The following ADGRB3 variants were observed in gnomAD, a reference collection of about 807,000 sequenced individuals.
The protein encoded by ADGRB3 is brain-specific angiogenesis inhibitor 3.
Under a neutral mutation model 193.4 loss-of-function variants are expected in ADGRB3, and 37 were observed. The ratio of observed to expected loss-of-function variants is 0.19; its 90% confidence interval spans 0.15 to 0.25. ADGRB3 has a LOEUF of 0.25. Ranked by LOEUF, ADGRB3 falls within the 10% of genes least tolerant of loss-of-function variation. The probability of loss-of-function intolerance (pLI) is 1.00; values close to 1 mark genes in which losing one functional copy is unlikely to be tolerated. For missense variants in ADGRB3, 1,637 were observed against 1,852.9 expected (o/e 0.88, Z 2.14); for synonymous variants, 690 against 644.2 (o/e 1.07, Z -1.08).
At chr6:69,111,301 A>G (rs1773358539) in intron 17 of ADGRB3, among the ~76,000 whole-genome samples, 1 of 152,224 alleles carries the variant, frequency 6.6e-6, no homozygotes, top group African/African-American at 2.4e-5. Context: ...GAGCAACAGA[A>G]TATGTGAACA....
chr6:69,334,409 A>G (rs1768797375), intron 24 of ADGRB3, among the ~76,000 whole-genome samples: 1 of 152,198 alleles, frequency 6.6e-6, no homozygotes, highest in Non-Finnish European at 1.5e-5. Flanking sequence ...ATTTGATATC[A>G]TTTATGTAAA....
Position 69,150,910 on chromosome 6 carries a change from G to A in ADGRB3, c.2480+74872G>A, listed in dbSNP as rs73745968. Among the ~76,000 whole-genome samples, 937 of 152,282 alleles carry A rather than the reference G, an allele frequency of 6.2e-3. 9 individuals are homozygous for A. Among genetic ancestry groups the A allele is most frequent in the African/African-American group, 0.021 (856 of 41,572 alleles). On this transcript the variant is annotated intron_variant, in intron 17 of 31. Transcript: ENST00000370598. Reference sequence around the variant, plus strand: ...TTTAGAAATGTCCTCTGGGAGCTAGGGCCAGGAATGGGGGCCTTACAATTT... The same window carrying A: ...TTTAGAAATGTCCTCTGGGAGCTAGAGCCAGGAATGGGGGCCTTACAATTT...
At chr6:69,275,109 C>T (rs1210321627) in intron 20 of ADGRB3, among the ~76,000 whole-genome samples, 4 of 152,154 alleles carry the variant, frequency 2.6e-5, no homozygotes, top group East Asian at 1.9e-4. Flanking sequence ...GTTAATATCC[C>T]GTGCCTCTAG....
At chr6:69,233,463 T>C (rs751301338) in intron 18 of ADGRB3, 47 bp downstream of exon 18, 20 of 1,609,810 alleles carry the variant, frequency 1.2e-5, no homozygotes, top group Non-Finnish European at 1.6e-5. Context: ...GACAGGGATA[T>C]TGTGGCTAGT....
intron 3 of ADGRB3, among the ~76,000 whole-genome samples, chr6:68,900,348 A>T (rs544942615): frequency 1.3e-5 from 2 of 152,236 alleles, no homozygotes; most frequent in African/African-American, 2.4e-5. Context: ...GTCTGTAGAG[A>T]TTCAAAGGCT....
chr6:68,990,397 G>T (rs1232333677), intron 10 of ADGRB3, among the ~76,000 whole-genome samples: 2 of 152,056 alleles, frequency 1.3e-5, no homozygotes, highest in Non-Finnish European at 2.9e-5. Flanking sequence ...TAGTTGTCCC[G>T]AGTGCTTTTC....
chr6:68,720,772 C>T (rs1215019851), intron 3 of ADGRB3, among the ~76,000 whole-genome samples: 1 of 151,754 alleles, frequency 6.6e-6, no homozygotes, highest in African/African-American at 2.4e-5. Flanking sequence ...ATGGGAAACA[C>T]TCGCCTGACT....
chr6:69,119,531 C>T (rs1426655299), intron 17 of ADGRB3, among the ~76,000 whole-genome samples: 2 of 152,184 alleles, frequency 1.3e-5, no homozygotes, highest in Non-Finnish European at 2.9e-5. Flanking sequence ...ATATGGTCAG[C>T]ATAACACTCA....
intron 20 of ADGRB3, among the ~76,000 whole-genome samples, chr6:69,274,692 G>A (rs1439063831): frequency 1.5e-5 from 2 of 131,210 alleles, no homozygotes; most frequent in African/African-American, 5.8e-5. Flanking sequence ...TTTTATTCCA[G>A]TGAAAACAGA....
intron 17 of ADGRB3, among the ~76,000 whole-genome samples, chr6:69,160,363 A>G (rs931820246): frequency 2.6e-5 from 4 of 152,044 alleles, no homozygotes; most frequent in African/African-American, 9.7e-5. Flanking sequence ...CTCAAGCCAC[A>G]CATGTCTCTT....
intron 3 of ADGRB3, among the ~76,000 whole-genome samples, chr6:68,924,849 A>T (rs974132611): frequency 6.6e-6 from 1 of 151,940 alleles, no homozygotes; most frequent in African/African-American, 2.4e-5. Context: ...TGTTAATGAT[A>T]TATTTATCAG....
chr6:68,717,662 C>T (rs1582143928), intron 3 of ADGRB3, among the ~76,000 whole-genome samples: 1 of 151,260 alleles, frequency 6.6e-6, no homozygotes, highest in Admixed American at 6.6e-5. Context: ...CTTCATATCA[C>T]TAGCCATATT....
At chr6:69,001,305 C>T (rs774422207) in intron 11 of ADGRB3, among the ~76,000 whole-genome samples, 8 of 152,190 alleles carry the variant, frequency 5.3e-5, no homozygotes, top group Admixed American at 1.3e-4. Context: ...CTGCATTTTC[C>T]ACCATTCATC....
At chr6:68,788,133 G>A (rs1316867616) in intron 3 of ADGRB3, among the ~76,000 whole-genome samples, 1 of 152,030 alleles carries the variant, frequency 6.6e-6, no homozygotes, top group Non-Finnish European at 1.5e-5. Context: ...TTTTTGAAGG[G>A]TTTTTTGTGT....
chr6:68,746,441 T>C (rs7773117), intron 3 of ADGRB3, among the ~76,000 whole-genome samples: 131,696 of 151,950 alleles, frequency 0.87, 57,548 homozygotes, highest in African/African-American at 0.97. Context: ...TATAAAAATG[T>C]TTATAATTTT....
chr6:68,666,682 C>T (rs912345252), intron 3 of ADGRB3, among the ~76,000 whole-genome samples: 6 of 151,804 alleles, frequency 4.0e-5, no homozygotes, highest in African/African-American at 9.6e-5. Context: ...TCTACCTTAT[C>T]GTCTAATTTT....
At chr6:69,091,104 A>G (rs1772691586) in intron 17 of ADGRB3, among the ~76,000 whole-genome samples, 1 of 152,226 alleles carries the variant, frequency 6.6e-6, no homozygotes, top group African/African-American at 2.4e-5. Context: ...ATCTAACATC[A>G]GTCAGAATGG....
Position 68,700,515 on chromosome 6 carries a change from A to G in ADGRB3, c.757+61083A>G, listed in dbSNP as rs193281329. Among the ~76,000 whole-genome samples, 3 of 152,204 alleles carry G rather than the reference A, an allele frequency of 2.0e-5. No individual in the cohort carries two copies. In the East Asian group the frequency reaches 5.8e-4, roughly 30 times the overall value. Reference sequence around the variant, plus strand: ...TTCTCCTCTAACTTCTGCCATTAAAACAATACCAAATATAGTCAGTGTTAT... The same window carrying G: ...TTCTCCTCTAACTTCTGCCATTAAAGCAATACCAAATATAGTCAGTGTTAT... On this transcript the variant is annotated intron_variant, in intron 3 of 31. Transcript: ENST00000370598.
intron 13 of ADGRB3, among the ~76,000 whole-genome samples, chr6:69,040,314 T>TTTCC (rs1491518114): frequency 2.7e-5 from 1 of 37,486 alleles, no homozygotes; most frequent in South Asian, 1.9e-3. Flanking sequence ...TGTCTCTTTC[T>TTTCC]TTCTTTCTTT....
Sources: allele counts gnomAD v4.1 joint callset (sites outside exome capture counted in the v4.1 genomes callset), GRCh38; gene constraint gnomAD v4.1.1; transcripts MANE v1.5; gene names NCBI Gene and HGNC (gene_info 2026-07-23, HGNC 2026-07-21).